Variants in ERBB4 observed in about 807,000 individuals in gnomAD.
ERBB4 encodes the protein erb-b2 receptor tyrosine kinase 4, also known as receptor tyrosine-protein kinase erbB-4.
Under a neutral mutation model 158.0 loss-of-function variants are expected in ERBB4, and 42 were observed. That is an observed-to-expected ratio of 0.27 (90% CI 0.21 to 0.34). The LOEUF is 0.34. ERBB4 is among the 10% of genes least tolerant of loss of function. The probability of loss-of-function intolerance (pLI) is 1.00; values close to 1 mark genes in which losing one functional copy is unlikely to be tolerated. For synonymous variants in ERBB4, 583 were observed against 558.7 expected, an observed-to-expected ratio of 1.04 and a Z score of -0.61; for missense variants, 1,333 against 1,624.1, an observed-to-expected ratio of 0.82 and a Z score of 3.08.
At chr2:212,183,843 A>G (rs2081942498) in intron 1 of ERBB4, among the ~76,000 whole-genome samples, 1 of 152,138 alleles carries the variant, frequency 6.6e-6, no homozygotes, top group African/African-American at 2.4e-5. Flanking sequence ...TCAGAAAATA[A>G]GCTATTCTTC....
Position 211,478,455 on chromosome 2 carries a change from TCTCA to T in ERBB4, c.2488-47359_2488-47356del, listed in dbSNP as rs769013165. 1.4e-4 allele frequency among the ~76,000 whole-genome samples: 22 copies of T among 152,308 alleles called. No homozygotes were observed. The East Asian group carries it at 2.7e-3, about 19-fold the overall frequency. Reference sequence around the variant, plus strand: ...TTCAAAAGGAATCACAGATTCTTCCTCTCACTGTCTCTTCATAACATCCCTGTCT... The same window carrying T: ...TTCAAAAGGAATCACAGATTCTTCCTCTGTCTCTTCATAACATCCCTGTCT... On this transcript the variant is annotated intron_variant, in intron 20 of 27. Transcript: ENST00000342788.
intron 1 of ERBB4, among the ~76,000 whole-genome samples, chr2:212,529,043 C>T (rs1271141741): frequency 2.6e-5 from 4 of 152,130 alleles, no homozygotes; most frequent in Admixed American, 6.5e-5. Flanking sequence ...ATATTCCTCC[C>T]AAGAGTCTGC....
intron 1 of ERBB4, among the ~76,000 whole-genome samples, chr2:212,133,557 T>A (rs1279746993): frequency 6.6e-6 from 1 of 151,686 alleles, no homozygotes; most frequent in Non-Finnish European, 1.5e-5. Flanking sequence ...ATATAGCAGA[T>A]GTTCAGTAAA....
intron 3 of ERBB4, among the ~76,000 whole-genome samples, chr2:211,844,435 T>C (rs2077545818): frequency 6.6e-6 from 1 of 152,198 alleles, no homozygotes; most frequent in South Asian, 2.1e-4. Context: ...TAAAGCAATT[T>C]GTCAAATATC....
intron 5 of ERBB4, among the ~76,000 whole-genome samples, chr2:211,747,095 G>T (rs752324118): frequency 6.6e-6 from 1 of 152,070 alleles, no homozygotes; most frequent in African/African-American, 2.4e-5. Context: ...CATCTCTTCA[G>T]GTTCAAGTTT....
intron 1 of ERBB4, among the ~76,000 whole-genome samples, chr2:212,459,910 C>G (rs1207402092): frequency 6.6e-6 from 1 of 152,112 alleles, no homozygotes; most frequent in East Asian, 1.9e-4. Context: ...AACTAGACCC[C>G]TACTGATATG....
At chr2:212,461,959 A>G (rs1688598002) in intron 1 of ERBB4, among the ~76,000 whole-genome samples, 1 of 152,176 alleles carries the variant, frequency 6.6e-6, no homozygotes, top group Non-Finnish European at 1.5e-5. Context: ...GCTTTCTGCC[A>G]TGATTGTGAG....
chr2:212,447,428 A>T (rs897258059), intron 1 of ERBB4, among the ~76,000 whole-genome samples: 1 of 152,204 alleles, frequency 6.6e-6, no homozygotes, highest in Non-Finnish European at 1.5e-5. Context: ...ATGAGAACTA[A>T]TAATTACTTT....
intron 1 of ERBB4, among the ~76,000 whole-genome samples, chr2:212,482,844 G>A (rs1443182645): frequency 2.6e-5 from 4 of 152,068 alleles, no homozygotes; most frequent in African/African-American, 7.2e-5. Flanking sequence ...GGATGGCCTC[G>A]ATCTCCTGAC....
At chr2:212,368,131 G>A (rs1012985633) in intron 1 of ERBB4, among the ~76,000 whole-genome samples, 14 of 152,188 alleles carry the variant, frequency 9.2e-5, no homozygotes, top group East Asian at 1.9e-4. Flanking sequence ...TTGCACACAC[G>A]TTTACAGTGG....
intron 3 of ERBB4, among the ~76,000 whole-genome samples, chr2:211,879,694 AGTGTAGTAGTCATACTTATAAT>A (rs2078609661): frequency 6.6e-6 from 1 of 152,202 alleles, no homozygotes; most frequent in Non-Finnish European, 1.5e-5. Context: ...ACAATGGAAC[AGTGTAGTAGTCATACTTATAAT>A]AGTAAAAAAC....
chr2:212,066,874 T>C (rs1559430453), intron 2 of ERBB4, among the ~76,000 whole-genome samples: 1 of 151,946 alleles, frequency 6.6e-6, no homozygotes, highest in Non-Finnish European at 1.5e-5. Flanking sequence ...TTCATTCCAT[T>C]GGAATGAATT....
intron 3 of ERBB4, among the ~76,000 whole-genome samples, chr2:211,944,177 C>CTATATATATATAGTATATA (rs1491247317): frequency 7.8e-5 from 3 of 38,582 alleles, no homozygotes; most frequent in Non-Finnish European, 1.7e-4. Context: ...TATATATATA[C>CTATATATATATAGTATATA]TATATATATA....
intron 5 of ERBB4, among the ~76,000 whole-genome samples, chr2:211,749,468 A>G (rs1383933944): frequency 2.0e-5 from 3 of 152,098 alleles, no homozygotes; most frequent in African/African-American, 4.8e-5. Context: ...AATAGCCAAT[A>G]ATATTTGTTG....
intron 1 of ERBB4, among the ~76,000 whole-genome samples, chr2:212,519,256 A>T (rs1692014354): frequency 6.6e-6 from 1 of 151,814 alleles, no homozygotes; most frequent in African/African-American, 2.4e-5. Context: ...TTGAATGCTT[A>T]AAAAAAATCT....
At chr2:211,530,151 G>A (rs2066456548) in intron 20 of ERBB4, among the ~76,000 whole-genome samples, 1 of 152,116 alleles carries the variant, frequency 6.6e-6, no homozygotes, top group Admixed American at 6.5e-5. Flanking sequence ...GTTCAGTAAA[G>A]TTGCAGGATA....
chr2:211,863,658 A>G lies in ERBB4; in HGVS notation c.422-75499T>C, dbSNP rs565708513. ...GACCAGGAACCCACCAGAAGGAAGA[A>G]ACTCCAGACACATCTGAACATCTGA... On this transcript the variant is annotated intron_variant, in intron 3 of 27. Coordinates refer to ENST00000342788, the MANE Select transcript of ERBB4 (RefSeq NM_005235.3). Among the ~76,000 whole-genome samples, 8 of 152,276 alleles carry G rather than the reference A, an allele frequency of 5.3e-5. No homozygotes were observed. In the South Asian group the frequency reaches 1.7e-3, roughly 32 times the overall value.
intron 20 of ERBB4, among the ~76,000 whole-genome samples, chr2:211,479,800 G>C (rs1242196306): frequency 6.6e-6 from 1 of 151,984 alleles, no homozygotes; most frequent in Non-Finnish European, 1.5e-5. Flanking sequence ...CAAAATATTT[G>C]GACAAAATAT....
chr2:211,861,310 G>A (rs1398096422), intron 3 of ERBB4, among the ~76,000 whole-genome samples: 1 of 135,822 alleles, frequency 7.4e-6, no homozygotes, highest in African/African-American at 2.7e-5. Context: ...ACAAATTCAT[G>A]CCATCAGTCC....
Sources: allele counts gnomAD v4.1 joint callset (sites outside exome capture counted in the v4.1 genomes callset), GRCh38; gene constraint gnomAD v4.1.1; transcripts MANE v1.5; gene names NCBI Gene and HGNC (gene_info 2026-07-23, HGNC 2026-07-21).